The following TASOR variants were observed in gnomAD, a reference collection of about 807,000 sequenced individuals.
TASOR encodes transcription activation suppressor.
A neutral mutation model predicts 178.6 loss-of-function variants in TASOR; 53 were observed. The ratio of observed to expected loss-of-function variants is 0.30; its 90% CI spans 0.24 to 0.37. The LOEUF is 0.37. Among genes scored for constraint, TASOR ranks in the 10% least tolerant of loss-of-function variants. The pLI is 1.00. For missense variants in TASOR, 1,815 were observed against 1,971.4 expected (o/e 0.92, Z 1.50); for synonymous variants, 713 against 696.2 (o/e 1.02, Z -0.38).
chr3:56,637,482 T>C (rs376373645), intron 17 of TASOR, among the ~76,000 whole-genome samples: 1 of 151,668 alleles, frequency 6.6e-6, no homozygotes, highest in Admixed American at 6.6e-5. Context: ...GATCATGCCA[T>C]TGCACTCCAG....
chr3:56,681,049 AAG>A (rs1351857606), intron 1 of TASOR, among the ~76,000 whole-genome samples: 1 of 151,820 alleles, frequency 6.6e-6, no homozygotes, highest in Non-Finnish European at 1.5e-5. Context: ...CTAAATTTTG[AAG>A]AGTTTCTAGG....
At chr3:56,660,260 G>A (rs1236917032) in intron 11 of TASOR, among the ~76,000 whole-genome samples, 1 of 151,896 alleles carries the variant, frequency 6.6e-6, no homozygotes, top group Non-Finnish European at 1.5e-5. Flanking sequence ...GGGAGGCTGA[G>A]GCGGGCAGAT....
At position 56,621,559 on chromosome 3, in the gene TASOR, G is replaced by A. The variant is rs1194975130; in HGVS notation, c.*1478C>T. ...CCTTCTCCAGAAGCAAAAGGAGTTG[G>A]AAAGTAGTCTCCTGCCTTTAGCTGA... On this transcript the variant is annotated 3_prime_UTR_variant, in exon 24 of 24. Coordinates refer to ENST00000683822, the MANE Select transcript of TASOR (RefSeq NM_001365635.2). The A allele has an allele frequency of 1.3e-6, 2 of 1,599,312 alleles. No homozygotes were observed. Among genetic ancestry groups the A allele is most frequent in the African/African-American group, 1.3e-5 (1 of 74,468 alleles).
In TASOR at chr3:56,620,679, T is replaced by TAA. The variant is rs1186397595; in HGVS notation, c.*2356_*2357dup. 3 of 152,180 alleles carry TAA rather than the reference T, an allele frequency of 2.0e-5. No homozygotes were observed. The highest frequency in any genetic ancestry group is 7.2e-5 in the African/African-American group (3 of 41,444). The allele number at this position is 152,180 out of a possible 1,614,324, so 9.4% of individuals were successfully genotyped here. Reference sequence around the variant, plus strand: ...AAACAGGGTTACTAAGAGTTTTACATAAGTTATTTCTTTAGAGTGACGAAG... The same window carrying TAA: ...AAACAGGGTTACTAAGAGTTTTACATAAAAGTTATTTCTTTAGAGTGACGAAG... On this transcript the variant is annotated 3_prime_UTR_variant, in exon 24 of 24. Transcript: ENST00000683822.
Position 56,622,997 on chromosome 3 carries a change from CAA to C in TASOR, c.*38_*39del. 1 of 1,279,588 alleles carries C rather than the reference CAA, an allele frequency of 7.8e-7. No homozygotes were observed. Among genetic ancestry groups the C allele is most frequent in the Middle Eastern group, 2.0e-4 (1 of 5,108 alleles). The allele number at this position is 1,279,588 out of a possible 1,614,324, so 79.3% of individuals were successfully genotyped here. ...GAATGAAATATAAATTGTTAATAAA[CAA>C]AGTCCACAACAATCTCTTAAAAAAA... On this transcript the variant is annotated 3_prime_UTR_variant, in exon 24 of 24. Transcript: ENST00000683822.
chr3:56,636,700 TA>T (rs1051414398), intron 17 of TASOR, among the ~76,000 whole-genome samples: 1 of 151,336 alleles, frequency 6.6e-6, no homozygotes, highest in Admixed American at 6.6e-5. Context: ...CGTGCTTTTT[TA>T]AAAAAAAACT....
At chr3:56,671,574 GT>G in intron 3 of TASOR, 25 bp downstream of exon 3, 10 of 1,488,484 alleles carry the variant, frequency 6.7e-6, no homozygotes, top group Non-Finnish European at 9.1e-6. Flanking sequence ...TCCCCAAATT[GT>G]TTTTTATAAA....
rs1578216628 is a variant in TASOR, at chr3:56,641,340, T to C, written c.2619+9A>G. On this transcript the variant is annotated intron_variant, in intron 15 of 23. Coordinates refer to ENST00000683822, the MANE Select transcript of TASOR (RefSeq NM_001365635.2). Reference sequence around the variant, plus strand: ...CAAACACAAAGGTAACCAACAGCTATATGCTTACTTCTTTCAAATGTAGCT... The same window carrying C: ...CAAACACAAAGGTAACCAACAGCTACATGCTTACTTCTTTCAAATGTAGCT... 4.4e-6 allele frequency: 7 copies of C among 1,579,826 alleles called. No individual in the cohort carries two copies. The East Asian group carries it at 1.6e-4, about 36-fold the overall frequency.
chr3:56,653,005 C>T (rs1465083355), intron 11 of TASOR, among the ~76,000 whole-genome samples: 2 of 152,096 alleles, frequency 1.3e-5, no homozygotes, highest in Non-Finnish European at 2.9e-5. Flanking sequence ...TGGCTCACGC[C>T]TGTAATCCCA....
At chr3:56,645,328 A>G (rs1409683073) in intron 14 of TASOR, among the ~76,000 whole-genome samples, 1 of 152,216 alleles carries the variant, frequency 6.6e-6, no homozygotes, top group African/African-American at 2.4e-5. Context: ...GGATACAAAT[A>G]CAGATTGCTA....
At position 56,621,641 on chromosome 3, in the gene TASOR, C is replaced by T; in HGVS notation, c.*1396G>A. The T allele has an allele frequency of 2.0e-6, 3 of 1,501,566 alleles. No homozygotes were observed. Among genetic ancestry groups the T allele is most frequent in the South Asian group, 1.2e-5 (1 of 84,706 alleles). 93.0% of individuals were successfully genotyped at this position (1,501,566 alleles called of 1,614,324 possible). On this transcript the variant is annotated 3_prime_UTR_variant, in exon 24 of 24. Transcript: ENST00000683822. ...TAAATGTAGAAAATCAAATCCTTCACATTTGATTTGTGTCTTCCAAATTAT... is the reference window on the plus strand; with the variant it reads ...TAAATGTAGAAAATCAAATCCTTCATATTTGATTTGTGTCTTCCAAATTAT...
chr3:56,625,963 G>A lies in TASOR; in HGVS notation c.4140-957C>T, dbSNP rs1578182858. Among the ~76,000 whole-genome samples, 5 of 152,274 alleles carry A rather than the reference G, an allele frequency of 3.3e-5. No individual in the cohort carries two copies. The South Asian group carries it at 6.2e-4, about 19-fold the overall frequency. ...TATATTGCAAGGGACAAGGCAACAA[G>A]TGGAGATAAGCTTTTAAAAGTGAAT... is the stretch of plus-strand genomic sequence containing the variant. On this transcript the variant is annotated intron_variant, in intron 21 of 23. Transcript: ENST00000683822.
At chr3:56,645,538 G>A (rs1417418886) in intron 14 of TASOR, among the ~76,000 whole-genome samples, 1 of 152,180 alleles carries the variant, frequency 6.6e-6, no homozygotes, top group Non-Finnish European at 1.5e-5. Context: ...GAATGCAAAA[G>A]AACTCATTCT....
At position 56,660,911 on chromosome 3, in the gene TASOR, T is replaced by A; in HGVS notation, c.1264+3A>T. On this transcript the variant is annotated splice_donor_region_variant and intron_variant, in intron 10 of 23. Transcript: ENST00000683822. ...GCATTTCAATAAAATTAAATTACCTTACCTTCATTTGGACCTAAGTATGTT... is the reference window on the plus strand; with the variant it reads ...GCATTTCAATAAAATTAAATTACCTAACCTTCATTTGGACCTAAGTATGTT... The A allele has an allele frequency of 6.2e-7, 1 of 1,609,940 alleles. No individual in the cohort carries two copies. Among genetic ancestry groups the A allele is most frequent in the Non-Finnish European group, 8.5e-7 (1 of 1,177,466 alleles).
At chr3:56,668,286 C>T in intron 6 of TASOR, 111 bp downstream of exon 6, 2 of 1,000,172 alleles carry the variant, frequency 2.0e-6, no homozygotes, top group Non-Finnish European at 1.5e-6. Flanking sequence ...TATGCAGACA[C>T]CAGAGTCTAG....
At position 56,641,580 on chromosome 3, in the gene TASOR, G is replaced by A. The variant is rs1214366907; in HGVS notation, c.2388C>T (p.Ala796=). The A allele has an allele frequency of 2.5e-6, 4 of 1,614,024 alleles. No homozygotes were observed. Among genetic ancestry groups the A allele is most frequent in the South Asian group, 1.1e-5 (1 of 91,088 alleles). ...DASLTDTVNK[A]LGLSTDDAYE... is the part of the protein sequence containing the mutation. ...AGGCATCATCAGTGCTCAATCCTAA[G>A]GCTTTGTTGACTGTGTCTGTCAGAG... Residue 796 remains alanine (A), a synonymous_variant, in exon 15 of 24, where the codon GCC becomes GCT. Transcript: ENST00000683822.
At chr3:56,663,036 C>T (rs1310765846) in intron 8 of TASOR, among the ~76,000 whole-genome samples, 1 of 151,852 alleles carries the variant, frequency 6.6e-6, no homozygotes, top group Non-Finnish European at 1.5e-5. Context: ...AAAAATTAGC[C>T]GGGTGTGGTG....
chr3:56,641,365 T>C lies in TASOR; in HGVS notation c.2603A>G (p.Lys868Arg). Reference protein sequence around the residue: ...ISTSEVGTDHKLHLKEDPNLI... With the variant: ...ISTSEVGTDHRLHLKEDPNLI... Reference sequence around the variant, plus strand: ...TATGCTTACTTCTTTCAAATGTAGCTTATGGTCAGTGCCCACTTCGCTGGT... The same window carrying C: ...TATGCTTACTTCTTTCAAATGTAGCCTATGGTCAGTGCCCACTTCGCTGGT... Residue 868 changes from lysine (K) to arginine (R), a missense_variant, in exon 15 of 24, where the codon AAG becomes AGG. Coordinates refer to ENST00000683822, the MANE Select transcript of TASOR (RefSeq NM_001365635.2). 6.3e-7 allele frequency: 1 copy of C among 1,592,822 alleles called. No individual in the cohort carries two copies. The highest frequency in any genetic ancestry group is 1.1e-5 in the South Asian group (1 of 90,420).
In TASOR at chr3:56,624,828, C is replaced by T; in HGVS notation, c.4318G>A (p.Glu1440Lys). The T allele has an allele frequency of 6.2e-7, 1 of 1,613,846 alleles. No individual in the cohort carries two copies. Among genetic ancestry groups the T allele is most frequent in the Non-Finnish European group, 8.5e-7 (1 of 1,179,912 alleles). Residue 1440 changes from glutamate to lysine, a missense_variant and splice_region_variant, in exon 22 of 24, where the codon GAG becomes AAG. Glu to Lys is a moderately conservative substitution (Grantham distance 56, BLOSUM62 1). Transcript: ENST00000683822. ...IQQRHIVFLT[E>K]KNIKMLSSYT... ...GAAAGCTTAGGAGTGCTCTCTTTAC[C>T]TGTTAAAAAGACTATGTGTCGTTGC...
Sources: gnomAD v4.1 joint callset for allele counts (sites outside exome capture counted in the v4.1 genomes callset) on GRCh38, gnomAD v4.1.1 for gene constraint, MANE v1.5 for transcripts, NCBI Gene and HGNC (gene_info 2026-07-23, HGNC 2026-07-21) for gene names.